The following PLEKHH2 variants were observed in gnomAD, a reference collection of about 807,000 sequenced individuals.
The protein encoded by PLEKHH2 is pleckstrin homology, MyTH4 and FERM domain containing H2, also known as pleckstrin homology domain-containing family H member 2.
PLEKHH2 carries 129 observed loss-of-function variants against 187.9 expected under a neutral mutation model. That is an observed-to-expected ratio of 0.69 (90% confidence interval 0.59 to 0.79). The LOEUF is 0.79. Ranked by LOEUF, PLEKHH2 falls within the 30% of genes least tolerant of loss-of-function variation. PLEKHH2 has a pLI of 0.00. For synonymous variants in PLEKHH2, 686 were observed against 605.6 expected, an observed-to-expected ratio of 1.13 and a Z score of -1.95; for missense variants, 2,076 against 1,751.2, an observed-to-expected ratio of 1.19 and a Z score of -3.31.
intron 16 of PLEKHH2, among the ~76,000 whole-genome samples, chr2:43,721,337 A>G (rs895718040): frequency 6.6e-6 from 1 of 152,190 alleles, no homozygotes; most frequent in Non-Finnish European, 1.5e-5. Flanking sequence ...AACTGAAGCT[A>G]TAAAAATTGA....
At chr2:43,708,165 TG>T (rs1669755749) in intron 11 of PLEKHH2, among the ~76,000 whole-genome samples, 1 of 152,226 alleles carries the variant, frequency 6.6e-6, no homozygotes, top group Non-Finnish European at 1.5e-5. Context: ...CAGCCTTCCT[TG>T]GTTTCATATT....
intron 2 of PLEKHH2, chr2:43,675,349 A>G (rs746171098): frequency 1.3e-5 from 20 of 1,495,090 alleles, no homozygotes; most frequent in Non-Finnish European, 1.8e-5. Flanking sequence ...GCTCTTGGAC[A>G]GCACAGGTCT....
At chr2:43,646,653 G>A (rs1558408888) in intron 2 of PLEKHH2, among the ~76,000 whole-genome samples, 1 of 152,066 alleles carries the variant, frequency 6.6e-6, no homozygotes, top group East Asian at 1.9e-4. Flanking sequence ...AATAATAAAA[G>A]TGTTGTTATC....
chr2:43,694,660 A>G, intron 5 of PLEKHH2, 146 bp downstream of exon 5: 1 of 850,506 alleles, frequency 1.2e-6, no homozygotes, highest in African/African-American at 1.8e-5. Flanking sequence ...AGATATAGGT[A>G]GCTTTCATTT....
In PLEKHH2 at chr2:43,700,303, A is replaced by G. The variant is rs375976865; in HGVS notation, c.1345A>G (p.Ile449Val). 101 of 1,614,048 alleles carry G rather than the reference A, an allele frequency of 6.3e-5. No homozygotes were observed. The Middle Eastern group carries it at 1.2e-3, about 18-fold the overall frequency. ...PKLRIPNVFSISVALAKRHLS... is the reference protein window; with the variant it reads ...PKLRIPNVFSVSVALAKRHLS... ...GTTAAGGATTCCTAATGTTTTCAGT[A>G]TAAGTGTAGCACTAGCCAAAAGGCA... is the stretch of plus-strand genomic sequence containing the variant. Residue 449 changes from isoleucine to valine, a missense_variant, in exon 8 of 30, where the codon ATA becomes GTA. By Grantham distance (29) the Ile-to-Val change is conservative. Coordinates refer to ENST00000282406, the MANE Select transcript of PLEKHH2 (RefSeq NM_172069.4).
At chr2:43,759,694 A>T (rs1231879667) in intron 27 of PLEKHH2, among the ~76,000 whole-genome samples, 1 of 152,106 alleles carries the variant, frequency 6.6e-6, no homozygotes, top group Non-Finnish European at 1.5e-5. Context: ...TGTTTGTTTT[A>T]TACTCACTAT....
intron 17 of PLEKHH2, 37 bp from the exon 18 acceptor site, chr2:43,729,600 G>T: frequency 5.9e-6 from 8 of 1,349,614 alleles, no homozygotes; most frequent in Admixed American, 2.5e-5. Flanking sequence ...AATCAAAACT[G>T]TGTCTTAACA....
chr2:43,654,709 C>A (rs1037377327), intron 2 of PLEKHH2, among the ~76,000 whole-genome samples: 1 of 39,128 alleles, frequency 2.6e-5, no homozygotes, highest in Non-Finnish European at 6.4e-5. Flanking sequence ...AAGACACCCC[C>A]CCCCCCCGCA....
At chr2:43,752,567 C>G (rs1440864435) in intron 24 of PLEKHH2, among the ~76,000 whole-genome samples, 1 of 152,078 alleles carries the variant, frequency 6.6e-6, no homozygotes, top group Non-Finnish European at 1.5e-5. Flanking sequence ...GAAGAAAAGG[C>G]TGAAAATGCA....
intron 19 of PLEKHH2, among the ~76,000 whole-genome samples, chr2:43,732,233 C>T (rs993136788): frequency 1.3e-5 from 2 of 152,098 alleles, no homozygotes; most frequent in Admixed American, 6.5e-5. Flanking sequence ...CATGGAGGCA[C>T]ATACCTGTAA....
chr2:43,678,074 G>A (rs1667947864), intron 2 of PLEKHH2, among the ~76,000 whole-genome samples: 1 of 151,532 alleles, frequency 6.6e-6, no homozygotes, highest in Admixed American at 6.6e-5. Flanking sequence ...CCCAGACGGG[G>A]TCGCGGCCGG....
At chr2:43,689,196 G>C (rs76883163) in intron 3 of PLEKHH2, among the ~76,000 whole-genome samples, 1 of 152,212 alleles carries the variant, frequency 6.6e-6, no homozygotes, top group Non-Finnish European at 1.5e-5. Context: ...TACACCCCAA[G>C]TCTACTGAGT....
At chr2:43,764,616 T>G (rs1466826738) in intron 29 of PLEKHH2, among the ~76,000 whole-genome samples, 3 of 152,196 alleles carry the variant, frequency 2.0e-5, no homozygotes, top group Non-Finnish European at 2.9e-5. Flanking sequence ...GGCTTAAAAA[T>G]TAAATGAAGG....
At chr2:43,724,916 T>C (rs1670662491) in intron 16 of PLEKHH2, among the ~76,000 whole-genome samples, 1 of 152,210 alleles carries the variant, frequency 6.6e-6, no homozygotes, top group Non-Finnish European at 1.5e-5. Context: ...AAGTTCTTGT[T>C]CTCAAGGACA....
intron 8 of PLEKHH2, among the ~76,000 whole-genome samples, chr2:43,701,875 C>CTCCTGCCT (rs1356176903): frequency 6.7e-6 from 1 of 150,268 alleles, no homozygotes; most frequent in Non-Finnish European, 1.5e-5. Context: ...TCAGGCAATT[C>CTCCTGCCT]TCCTGCCTTA....
intron 2 of PLEKHH2, among the ~76,000 whole-genome samples, chr2:43,678,553 T>A (rs908453618): frequency 1.1e-4 from 17 of 151,932 alleles, no homozygotes; most frequent in Non-Finnish European, 2.1e-4. Context: ...ACCAAAAAAA[T>A]ACGAAAACCA....
chr2:43,646,797 C>G (rs1031621009), intron 2 of PLEKHH2, among the ~76,000 whole-genome samples: 7 of 145,976 alleles, frequency 4.8e-5, no homozygotes, highest in African/African-American at 1.8e-4. Flanking sequence ...GTTGTGGTTT[C>G]TTTTTCTTTA....
At chr2:43,717,263 C>T (rs1670258284) in intron 15 of PLEKHH2, among the ~76,000 whole-genome samples, 1 of 152,140 alleles carries the variant, frequency 6.6e-6, no homozygotes, top group South Asian at 2.1e-4. Flanking sequence ...TCTAAAAATA[C>T]AAAAATTAGC....
In PLEKHH2 at chr2:43,715,034, T is replaced by G. The variant is rs568020454; in HGVS notation, c.2460+2651T>G. On this transcript the variant is annotated intron_variant, in intron 15 of 29. Transcript: ENST00000282406. ...GGCTTATGCCTGTAATCCCAGCACT[T>G]AGGGAGGCTGAGGCAGGCAGATCAC... Among the ~76,000 whole-genome samples, 6 of 152,166 alleles carry G rather than the reference T, an allele frequency of 3.9e-5. No homozygotes were observed. In the South Asian group the frequency reaches 1.2e-3, roughly 32 times the overall value.
Sources: allele counts gnomAD v4.1 joint callset (sites outside exome capture counted in the v4.1 genomes callset), GRCh38; gene constraint gnomAD v4.1.1; transcripts MANE v1.5; gene names NCBI Gene and HGNC (gene_info 2026-07-23, HGNC 2026-07-21).